Variants in DZIP1L observed in about 807,000 individuals in gnomAD.
DZIP1L encodes the protein DAZ interacting zinc finger protein 1 like.
DZIP1L carries 90 observed loss-of-function variants against 88.7 expected under a neutral mutation model. The observed-to-expected ratio is 1.02, with a 90% CI of 0.86 to 1.21. The LOEUF is 1.21. Among genes scored for constraint, DZIP1L ranks in the 50% most tolerant of loss-of-function variants. The pLI is 0.00. For missense variants in DZIP1L, 932 were observed against 955.8 expected, an observed-to-expected ratio of 0.98 and a Z score of 0.33; for synonymous variants, 363 against 372.1, an observed-to-expected ratio of 0.98 and a Z score of 0.28.
intron 1 of DZIP1L, among the ~76,000 whole-genome samples, chr3:138,104,824 T>C (rs1473506023): frequency 6.6e-6 from 1 of 152,218 alleles, no homozygotes; most frequent in Admixed American, 6.5e-5. Flanking sequence ...TTCTACTCTC[T>C]AAACTCTTGG....
chr3:138,098,035 A>G (rs189476384), intron 2 of DZIP1L, among the ~76,000 whole-genome samples, 188 bp from the exon 3 acceptor site: 44 of 152,350 alleles, frequency 2.9e-4, no homozygotes, highest in African/African-American at 1.0e-3. Flanking sequence ...GCTTTAAAAT[A>G]CTACCAGTGT....
chr3:138,062,985 G>A lies in DZIP1L; in HGVS notation c.2143-8C>T. On this transcript the variant is annotated splice_polypyrimidine_tract_variant and splice_region_variant and intron_variant, in intron 15 of 15. Transcript: ENST00000327532. ...ACTCTCATCTTCAGAAAGCTGCAGG[G>A]GGTAAAGGGGAGAAGAAAATGCATT... 1.9e-6 allele frequency: 3 copies of A among 1,613,398 alleles called. No homozygotes were observed. Among genetic ancestry groups the A allele is most frequent in the Non-Finnish European group, 2.5e-6 (3 of 1,179,726 alleles).
chr3:138,096,277 C>T (rs954817535), intron 3 of DZIP1L, among the ~76,000 whole-genome samples: 3 of 152,028 alleles, frequency 2.0e-5, no homozygotes, highest in Non-Finnish European at 2.9e-5. Context: ...CAGCACTTTA[C>T]GTTAAGGAAA....
At chr3:138,100,260 G>T (rs1237506621) in intron 2 of DZIP1L, among the ~76,000 whole-genome samples, 5 of 152,208 alleles carry the variant, frequency 3.3e-5, no homozygotes, top group African/African-American at 1.2e-4. Context: ...ACCCCTAAAT[G>T]ATGGGATTTA....
In DZIP1L at chr3:138,103,860, T is replaced by C. The variant is rs1237460517; in HGVS notation, c.112A>G (p.Ile38Val). ...PRHDSMDWRRISTLDVDRVAR... is the reference protein window; with the variant it reads ...PRHDSMDWRRVSTLDVDRVAR... ...ACGCGGTCTACATCCAGGGTGCTAATGCGTCTCCAGTCCATGCTATCATGG... is the reference window on the plus strand; with the variant it reads ...ACGCGGTCTACATCCAGGGTGCTAACGCGTCTCCAGTCCATGCTATCATGG... Residue 38 changes from isoleucine (I) to valine (V), a missense_variant, in exon 2 of 16, where the codon ATT becomes GTT. Physicochemically the swap from Ile to Val is conservative, Grantham distance 29 (BLOSUM62 3). Transcript: ENST00000327532. The C allele has an allele frequency of 2.5e-6, 4 of 1,614,110 alleles. No homozygotes were observed. Among genetic ancestry groups the C allele is most frequent in the Non-Finnish European group, 1.7e-6 (2 of 1,180,044 alleles).
chr3:138,088,711 G>C, intron 5 of DZIP1L: 1 of 1,242,606 alleles, frequency 8.0e-7, no homozygotes, highest in South Asian at 3.1e-5. Flanking sequence ...CCCTTGCATA[G>C]AAAAAGCAAT....
intron 7 of DZIP1L, 99 bp from the exon 8 acceptor site, chr3:138,084,352 C>A (rs1441822364): frequency 6.8e-7 from 1 of 1,465,160 alleles, no homozygotes; most frequent in South Asian, 1.4e-5. Flanking sequence ...GCCAGGCAAG[C>A]ACAGTAAAGG....
intron 10 of DZIP1L, among the ~76,000 whole-genome samples, chr3:138,079,486 C>T (rs1279851598): frequency 6.6e-6 from 1 of 152,138 alleles, no homozygotes. Flanking sequence ...AAACCATTTC[C>T]TAAGTAAGTT....
chr3:138,114,466 A>G (rs566679111), intron 1 of DZIP1L, among the ~76,000 whole-genome samples: 81 of 152,322 alleles, frequency 5.3e-4, no homozygotes, highest in African/African-American at 1.8e-3. Context: ...AGACTGGAGG[A>G]TCAGCCTTCC....
chr3:138,108,814 T>C (rs2042564553), intron 1 of DZIP1L, among the ~76,000 whole-genome samples: 2 of 152,152 alleles, frequency 1.3e-5, no homozygotes, highest in Non-Finnish European at 2.9e-5. Context: ...CCACAGTACA[T>C]GTGTGATGAT....
chr3:138,103,640 A>T lies in DZIP1L; in HGVS notation c.332T>A (p.Leu111Gln). 1 of 1,607,944 alleles carries T rather than the reference A, an allele frequency of 6.2e-7. No homozygotes were observed. The highest frequency in any genetic ancestry group is 8.5e-7 in the Non-Finnish European group (1 of 1,179,408). Residue 111 changes from leucine to glutamine, a missense_variant, in exon 2 of 16, where the codon CTG (leucine) becomes CAG (glutamine). Physicochemically the swap from Leu to Gln is moderately radical, Grantham distance 113. Coordinates refer to ENST00000327532, the MANE Select transcript of DZIP1L (RefSeq NM_173543.3). ...CAGGCTGGTCTGCAGCCGTGCCTCC[A>T]GCTGGGCAACACTGGCACTCAGGCA... ...QDCLSASVAQ[L>Q]EARLQTSLGQ...
intron 2 of DZIP1L, 115 bp from the exon 3 acceptor site, chr3:138,097,962 A>C (rs1425711049): frequency 1.2e-6 from 1 of 845,704 alleles, no homozygotes; most frequent in East Asian, 2.7e-5. Flanking sequence ...TTCAGAAATA[A>C]AGAATTTAAT....
At chr3:138,104,084 G>A in intron 1 of DZIP1L, 32 bp from the exon 2 acceptor site, 2 of 1,488,376 alleles carry the variant, frequency 1.3e-6, no homozygotes, top group Non-Finnish European at 1.8e-6. Context: ...CAAGTTAGGT[G>A]AGGTGTGTGT....
rs1373466150 is a variant in DZIP1L at position 138,084,179 on chromosome 3, G to C, written c.1137C>G (p.Cys379Trp). Residue 379 changes from cysteine to tryptophan, a missense_variant, in exon 8 of 16, where the codon TGC becomes TGG. Transcript: ENST00000327532. ...DQKKAAAQSQCQISTLRAQLQ... is the reference protein window; with the variant it reads ...DQKKAAAQSQWQISTLRAQLQ... ...GCTGGGCACGGAGGGTGCTGATCTG[G>C]CACTGGGACTGGGCAGCTGCCTTCT... 1 of 1,614,084 alleles carries C rather than the reference G, an allele frequency of 6.2e-7. No homozygotes were observed. Among genetic ancestry groups the C allele is most frequent in the African/African-American group, 1.3e-5 (1 of 74,936 alleles).
chr3:138,107,176 T>G (rs1156790772), intron 1 of DZIP1L, among the ~76,000 whole-genome samples: 4 of 152,128 alleles, frequency 2.6e-5, no homozygotes, highest in Non-Finnish European at 5.9e-5. Context: ...CCCCCAAAGG[T>G]CATATGTTGA....
Position 138,103,510 on chromosome 3 carries a change from C to T in DZIP1L, c.462G>A (p.Gln154=). The part of the protein sequence containing the change: ...RRRRKMISTL[Q]QLLMQTGTHS... The stretch of plus-strand genomic sequence containing the variant: ...GGGTGCCTGTCTGCATTAGCAGCTG[C>T]TGCAGGGTGCTGATCATCTTGCGAC... The change falls in exon 2 of 16, where the codon CAG becomes CAA. Residue 154 remains glutamine, a synonymous_variant. Coordinates refer to ENST00000327532, the MANE Select transcript of DZIP1L (RefSeq NM_173543.3). 6.2e-7 allele frequency: 1 copy of T among 1,609,916 alleles called. No homozygotes were observed. The highest frequency in any genetic ancestry group is 2.2e-5 in the East Asian group (1 of 44,814).
chr3:138,101,365 G>C (rs1424705734), intron 2 of DZIP1L: 1 of 651,272 alleles, frequency 1.5e-6, no homozygotes. Context: ...GAGGGCTAGG[G>C]CTGAGCCTCA....
At chr3:138,099,225 C>T (rs988599808) in intron 2 of DZIP1L, among the ~76,000 whole-genome samples, 25 of 152,218 alleles carry the variant, frequency 1.6e-4, no homozygotes, top group Admixed American at 1.3e-4. Context: ...CAACCTGCAG[C>T]CAATAGGCCA....
chr3:138,100,358 CTTG>C (rs1944676735), intron 2 of DZIP1L, among the ~76,000 whole-genome samples: 1 of 152,180 alleles, frequency 6.6e-6, no homozygotes, highest in South Asian at 2.1e-4. Flanking sequence ...TCTCCCATAC[CTTG>C]TCCTCTCTTG....
Sources: gnomAD v4.1 joint callset for allele counts (sites outside exome capture counted in the v4.1 genomes callset) on GRCh38, gnomAD v4.1.1 for gene constraint, MANE v1.5 for transcripts, NCBI Gene and HGNC (gene_info 2026-07-23, HGNC 2026-07-21) for gene names.